ST18: variants seen among roughly 807,000 people sequenced by gnomAD.
ST18 encodes the protein suppression of tumorigenicity 18 protein.
ST18 carries 50 observed loss-of-function variants against 110.0 expected under a neutral mutation model. The ratio of observed to expected loss-of-function variants is 0.45; its 90% CI spans 0.36 to 0.58. The LOEUF (loss-of-function observed/expected upper bound fraction) is 0.58. Ranked by LOEUF, ST18 falls within the 20% of genes least tolerant of loss-of-function variation. The pLI, the probability that ST18 is intolerant of heterozygous loss-of-function variation, is 0.00. For missense variants in ST18, 1,306 were observed against 1,280.1 expected (o/e 1.02, Z -0.31); for synonymous variants, 461 against 452.4 (o/e 1.02, Z -0.24).
At position 52,388,107 on chromosome 8, in the gene ST18, C is replaced by A. The variant is rs566182469; in HGVS notation, c.-465+21221G>T. On this transcript the variant is annotated intron_variant, in intron 2 of 25. Coordinates refer to ENST00000689386, the MANE Select transcript of ST18 (RefSeq NM_001352837.2). ...TGCTGTAACGCTTGTTTCGAAAATG[C>A]GAGTTTGTTCCAACGTGATTGATAT... is the stretch of plus-strand genomic sequence containing the variant. 4.6e-5 allele frequency among the ~76,000 whole-genome samples: 7 copies of A among 152,210 alleles called. No individual in the cohort carries two copies. The East Asian group carries it at 1.4e-3, about 29-fold the overall frequency.
At chr8:52,229,018 A>G (rs1037894793) in intron 3 of ST18, among the ~76,000 whole-genome samples, 2 of 152,222 alleles carry the variant, frequency 1.3e-5, no homozygotes, top group African/African-American at 4.8e-5. Flanking sequence ...CACAAAGTAG[A>G]AAACAGAACT....
chr8:52,134,454 A>T (rs965958357), intron 19 of ST18, among the ~76,000 whole-genome samples: 1 of 152,246 alleles, frequency 6.6e-6, no homozygotes, highest in Non-Finnish European at 1.5e-5. Flanking sequence ...TTCTGAATGC[A>T]CACTGTGGTT....
chr8:52,286,187 T>C (rs111616311), intron 2 of ST18, among the ~76,000 whole-genome samples: 2 of 152,360 alleles, frequency 1.3e-5, no homozygotes, highest in African/African-American at 4.8e-5. Context: ...GAATATTCCT[T>C]CACATGAAGT....
chr8:52,132,940 T>C (rs1012715822), intron 21 of ST18, 117 bp downstream of exon 21: 2 of 1,157,492 alleles, frequency 1.7e-6, no homozygotes, highest in Non-Finnish European at 2.5e-6. Context: ...TTGCTTATAT[T>C]TAATAGGGTA....
chr8:52,270,950 G>T (rs957124766), intron 2 of ST18, among the ~76,000 whole-genome samples: 1 of 151,564 alleles, frequency 6.6e-6, no homozygotes, highest in Non-Finnish European at 1.5e-5. Flanking sequence ...TGTCACCCAG[G>T]CTGGAGGGCA....
chr8:52,121,183 C>T (rs934928343), intron 23 of ST18, among the ~76,000 whole-genome samples: 2 of 152,040 alleles, frequency 1.3e-5, no homozygotes, highest in Admixed American at 6.6e-5. Flanking sequence ...CTGAAGACAC[C>T]CCAGCCTCTT....
chr8:52,134,267 G>A (rs936003895), intron 19 of ST18, among the ~76,000 whole-genome samples: 3 of 152,170 alleles, frequency 2.0e-5, no homozygotes, highest in African/African-American at 7.2e-5. Flanking sequence ...CATTAAATTT[G>A]GAATGAGAAA....
intron 3 of ST18, among the ~76,000 whole-genome samples, chr8:52,222,295 A>G (rs2087107195): frequency 6.6e-6 from 1 of 152,106 alleles, no homozygotes; most frequent in Non-Finnish European, 1.5e-5. Context: ...ATTTTTTACT[A>G]CTTTTAATAG....
At chr8:52,147,467 C>T (rs537682282) in intron 16 of ST18, among the ~76,000 whole-genome samples, 64 of 152,108 alleles carry the variant, frequency 4.2e-4, no homozygotes, top group African/African-American at 1.2e-3. Flanking sequence ...TGTCAAACAA[C>T]GCAAGACACC....
intron 2 of ST18, among the ~76,000 whole-genome samples, chr8:52,388,824 G>T (rs559763625): frequency 8.1e-6 from 1 of 124,102 alleles, no homozygotes. Context: ...GTGGGGTGGG[G>T]GGAGGGGGGA....
intron 2 of ST18, among the ~76,000 whole-genome samples, chr8:52,250,645 T>C (rs2094237321): frequency 6.8e-6 from 1 of 146,110 alleles, no homozygotes; most frequent in Admixed American, 6.9e-5. Context: ...AAAACACCAT[T>C]CATGAAATCA....
intron 3 of ST18, among the ~76,000 whole-genome samples, chr8:52,222,767 C>A (rs1020009708): frequency 6.6e-6 from 1 of 152,148 alleles, no homozygotes; most frequent in African/African-American, 2.4e-5. Flanking sequence ...TTTTTCTTAA[C>A]TGCCATACTT....
chr8:52,127,997 T>C (rs908012511), intron 22 of ST18, among the ~76,000 whole-genome samples: 1 of 149,732 alleles, frequency 6.7e-6, no homozygotes, highest in Non-Finnish European at 1.5e-5. Flanking sequence ...TGAGGCGGGG[T>C]CTCACCAAGC....
intron 9 of ST18, among the ~76,000 whole-genome samples, chr8:52,178,990 A>G (rs974386979): frequency 2.0e-5 from 3 of 152,178 alleles, no homozygotes; most frequent in South Asian, 4.1e-4. Context: ...ATGATTCTAC[A>G]TGCCATAAAA....
intron 2 of ST18, among the ~76,000 whole-genome samples, chr8:52,314,070 C>T (rs2095976630): frequency 6.6e-6 from 1 of 152,236 alleles, no homozygotes; most frequent in Admixed American, 6.5e-5. Flanking sequence ...CTGCTGATAA[C>T]AGCACCACAG....
intron 8 of ST18, among the ~76,000 whole-genome samples, chr8:52,182,489 G>A (rs2070164293): frequency 6.6e-6 from 1 of 152,192 alleles, no homozygotes; most frequent in South Asian, 2.1e-4. Flanking sequence ...ATTGTAATAT[G>A]CAACTACATA....
In ST18 at chr8:52,202,562, G is replaced by A. The variant is rs1210377124; in HGVS notation, c.86+9517C>T. On this transcript the variant is annotated intron_variant, in intron 8 of 25. Coordinates refer to ENST00000689386, the MANE Select transcript of ST18 (RefSeq NM_001352837.2). ...AAACAGCTACAATTCAAAGTAATAA[G>A]TGTTTTGAAACAGACAAGTAAAGAA... Among the ~76,000 whole-genome samples, 3 of 152,146 alleles carry A rather than the reference G, an allele frequency of 2.0e-5. No individual in the cohort carries two copies. The East Asian group carries it at 5.8e-4, about 29-fold the overall frequency.
At chr8:52,356,475 C>G (rs578129016) in intron 2 of ST18, among the ~76,000 whole-genome samples, 3 of 152,200 alleles carry the variant, frequency 2.0e-5, no homozygotes, top group Admixed American at 2.0e-4. Flanking sequence ...TCACAACAAG[C>G]AGTAGCAACA....
chr8:52,274,125 C>T (rs183879677), intron 2 of ST18, among the ~76,000 whole-genome samples: 1 of 152,200 alleles, frequency 6.6e-6, no homozygotes, highest in East Asian at 1.9e-4. Flanking sequence ...TAAAGAAGAA[C>T]AGGCCAACTG....
Sources: allele counts gnomAD v4.1 joint callset (sites outside exome capture counted in the v4.1 genomes callset), GRCh38; gene constraint gnomAD v4.1.1; transcripts MANE v1.5; gene names NCBI Gene and HGNC (gene_info 2026-07-23, HGNC 2026-07-21).